The following CTNS variants were observed in gnomAD, a reference collection of about 807,000 sequenced individuals.
CTNS encodes cystinosin.
Under a neutral mutation model 43.7 loss-of-function variants are expected in CTNS, and 27 were observed. The observed-to-expected ratio is 0.62, with a 90% CI of 0.46 to 0.85. CTNS has a LOEUF of 0.85. Among genes scored for constraint, CTNS ranks in the 40% least tolerant of loss-of-function variants. CTNS has a pLI of 0.00. For missense variants in CTNS, 457 were observed against 475.4 expected, an observed-to-expected ratio of 0.96 and a Z score of 0.36; for synonymous variants, 187 against 190.6, an observed-to-expected ratio of 0.98 and a Z score of 0.16.
rs772569260 is a variant in CTNS at position 3,647,475 on chromosome 17, C to T, written c.93C>T (p.Val31=). The change falls in exon 4 of 12, where the codon GTC becomes GTT. Residue 31 remains valine, a synonymous_variant. Transcript: ENST00000046640. ...ESSVSLTVPP[V]VKLENGSSTN... is the part of the protein sequence containing the mutation. ...GCGTCAGCCTCACTGTTCCTCCTGT[C>T]GTAAAGCTGGAGAACGGCAGCTCGA... The T allele has an allele frequency of 3.1e-6, 5 of 1,614,146 alleles. No individual in the cohort carries two copies. Among genetic ancestry groups the T allele is most frequent in the South Asian group, 2.2e-5 (2 of 91,084 alleles).
rs781672689 is a variant in CTNS at position 3,662,846 on chromosome 17, C to G, written c.*2477C>G. The G allele has an allele frequency of 3.9e-5, 6 of 152,124 alleles. No individual in the cohort carries two copies. The highest frequency in any genetic ancestry group is 7.4e-5 in the Non-Finnish European group (5 of 68,024). The allele number at this position is 152,124 out of a possible 1,614,324, so 9.4% of individuals were successfully genotyped here. On this transcript the variant is annotated 3_prime_UTR_variant, in exon 12 of 12. Transcript: ENST00000046640. Reference sequence around the variant, plus strand: ...CACAGCTCTGGCCCCAATATCCCACCGCCACCCCCACCCCGATATCCCAGC... The same window carrying G: ...CACAGCTCTGGCCCCAATATCCCACGGCCACCCCCACCCCGATATCCCAGC...
intron 3 of CTNS, among the ~76,000 whole-genome samples, chr17:3,645,602 G>A (rs2075823777): frequency 6.6e-6 from 1 of 152,164 alleles, no homozygotes; most frequent in African/African-American, 2.4e-5. Flanking sequence ...GCTCACACCT[G>A]TAGTCCCAGC....
In CTNS at chr17:3,656,692, A is replaced by C; in HGVS notation, c.578A>C (p.Lys193Thr). ...ACCAAACAGGAGCAGTTTCTCCTCA[A>C]ATACCCCAACGGAGTGAACCCCGTG... is the stretch of plus-strand genomic sequence containing the variant. ...VPYIKEQFLL[K>T]YPNGVNPVNS... Residue 193 changes from lysine (K) to threonine (T), a missense_variant, in exon 9 of 12, where the codon AAA becomes ACA. Transcript: ENST00000046640. The C allele has an allele frequency of 6.2e-7, 1 of 1,612,892 alleles. No homozygotes were observed. Among genetic ancestry groups the C allele is most frequent in the Non-Finnish European group, 8.5e-7 (1 of 1,179,796 alleles).
rs1417434522 is a variant in CTNS, at chr17:3,663,048, C to G, written c.*2679C>G. ...GTAGAATGGGCATCTCCAAAGAGTA[C>G]GATAAAAACATTTTGTATCAAACTT... On this transcript the variant is annotated 3_prime_UTR_variant, in exon 12 of 12. Transcript: ENST00000046640. 1 of 152,124 alleles carries G rather than the reference C, an allele frequency of 6.6e-6. No individual in the cohort carries two copies. Among genetic ancestry groups the G allele is most frequent in the African/African-American group, 2.4e-5 (1 of 41,428 alleles). 9.4% of individuals were successfully genotyped at this position (152,124 alleles called of 1,614,324 possible).
chr17:3,660,245 C>A lies in CTNS; in HGVS notation c.980C>A (p.Thr327Lys). The stretch of plus-strand genomic sequence containing the variant: ...CCCCGGCTGCTAACAGACCAGTGGA[C>A]GCTGATCTTCGGAGACCCAACCAAG... ...FLQSYNNDQW[T>K]LIFGDPTKFG... Residue 327 changes from threonine to lysine, a missense_variant, in exon 12 of 12, where the codon ACG (threonine) becomes AAG (lysine). Thr to Lys is a moderately conservative substitution (Grantham distance 78, BLOSUM62 -1). Transcript: ENST00000046640. 2 of 1,614,262 alleles carry A rather than the reference C, an allele frequency of 1.2e-6. No homozygotes were observed. The highest frequency in any genetic ancestry group is 1.7e-6 in the Non-Finnish European group (2 of 1,180,054).
chr17:3,660,860 C>A lies in CTNS; in HGVS notation c.*491C>A, dbSNP rs1277848059. On this transcript the variant is annotated 3_prime_UTR_variant, in exon 12 of 12. Transcript: ENST00000046640. ...GACGGGCTAGGACTTTGGGGTTAGG[C>A]CATGGGGCTCTTTCTCTGAAGGCCA... 2.1e-6 allele frequency: 3 copies of A among 1,429,676 alleles called. No individual in the cohort carries two copies. The African/African-American group carries it at 4.2e-5, about 20-fold the overall frequency. The allele number at this position is 1,429,676 out of a possible 1,614,324, so 88.6% of individuals were successfully genotyped here.
rs149007536 is a variant in CTNS, at chr17:3,660,300, C to G, written c.1035C>G (p.Phe345Leu). Residue 345 changes from phenylalanine (F) to leucine (L), a missense_variant, in exon 12 of 12, where the codon TTC becomes TTG. Physicochemically the swap from Phe to Leu is conservative, Grantham distance 22. Coordinates refer to ENST00000046640, the MANE Select transcript of CTNS (RefSeq NM_004937.3). ...KFGLGVFSIV[F>L]DVVFFIQHFC... ...GACTCGGGGTCTTCTCCATCGTCTT[C>G]GACGTCGTCTTCTTCATCCAGCACT... is the stretch of plus-strand genomic sequence containing the variant. The G allele has an allele frequency of 5.0e-6, 8 of 1,614,236 alleles. No homozygotes were observed. Among genetic ancestry groups the G allele is most frequent in the Non-Finnish European group, 3.4e-6 (4 of 1,180,042 alleles).
At chr17:3,646,887 G>A (rs563278686) in intron 3 of CTNS, among the ~76,000 whole-genome samples, 49 of 152,260 alleles carry the variant, frequency 3.2e-4, no homozygotes, top group African/African-American at 7.0e-4. Flanking sequence ...CCAGTACCCC[G>A]CAGATAGTCA....
rs547703287 is a variant in CTNS, at chr17:3,658,098, G to C, written c.775G>C (p.Val259Leu). ...FVTMIVAAVG[V>L]TTWLQFLFCF... ...CACCATGATCGTGGCTGCAGTGGGA[G>C]TGACCACGTGGCTGCAGTTTCTCTT... The change falls in exon 10 of 12, where the codon GTG (valine) becomes CTG (leucine). Residue 259 changes from valine (V) to leucine (L), a missense_variant. Physicochemically the swap from Val to Leu is conservative, Grantham distance 32. Coordinates refer to ENST00000046640, the MANE Select transcript of CTNS (RefSeq NM_004937.3). 10 of 1,612,316 alleles carry C rather than the reference G, an allele frequency of 6.2e-6. No individual in the cohort carries two copies. The African/African-American group carries it at 1.3e-4, about 21-fold the overall frequency.
At chr17:3,657,126 G>C (rs1368508932) in intron 9 of CTNS, among the ~76,000 whole-genome samples, 1 of 151,948 alleles carries the variant, frequency 6.6e-6, no homozygotes, top group Non-Finnish European at 1.5e-5. Flanking sequence ...GGGCACAGAA[G>C]GGAGGAGGGC....
At chr17:3,650,359 G>A in intron 5 of CTNS, 1 of 1,543,694 alleles carries the variant, frequency 6.5e-7, no homozygotes, top group Non-Finnish European at 8.7e-7. Context: ...ATGTGCACCT[G>A]TAATCCCAGC....
At chr17:3,655,562 C>A in intron 7 of CTNS, 2 of 636,880 alleles carry the variant, frequency 3.1e-6, no homozygotes, top group Non-Finnish European at 2.7e-6. Context: ...CAGCCCCTCC[C>A]TGGGAAAGCA....
intron 5 of CTNS, chr17:3,650,475 C>T (rs2075953566): frequency 2.2e-6 from 2 of 908,516 alleles, no homozygotes; most frequent in East Asian, 5.4e-5. Flanking sequence ...GAGCAAGACT[C>T]TGTCTCTAAA....
rs563849197 is a variant in CTNS at position 3,662,268 on chromosome 17, G to A, written c.*1899G>A. Among the ~76,000 whole-genome samples the A allele has an allele frequency of 6.8e-4, 103 of 151,488 alleles. No individual in the cohort carries two copies. The highest frequency in any genetic ancestry group is 2.2e-3 in the African/African-American group (91 of 41,216). ...GGAGGTTGCAGTGAGCGAAGATCAC[G>A]CCATTGCACTCCAGCCTGGGCAACA... is the stretch of plus-strand genomic sequence containing the variant. On this transcript the variant is annotated 3_prime_UTR_variant, in exon 12 of 12. Transcript: ENST00000046640.
At chr17:3,640,148 A>G (rs2075649652) in intron 2 of CTNS, 40 bp from the exon 3 acceptor site, 7 of 1,534,648 alleles carry the variant, frequency 4.6e-6, no homozygotes, top group African/African-American at 2.7e-5. Flanking sequence ...AGCTGATTCA[A>G]CATTCCCCTG....
chr17:3,656,871 C>T (rs369084366), intron 9 of CTNS, 76 bp downstream of exon 9: 110 of 1,601,846 alleles, frequency 6.9e-5, no homozygotes, highest in East Asian at 3.6e-4. Flanking sequence ...ACAGAAGACA[C>T]GGCAGAGCCT....
intron 7 of CTNS, 164 bp downstream of exon 7, chr17:3,655,516 G>C: frequency 9.7e-7 from 1 of 1,035,814 alleles, no homozygotes; most frequent in South Asian, 1.3e-5. Flanking sequence ...GCCTGGGTCG[G>C]ATTCCCGTGC....
intron 10 of CTNS, among the ~76,000 whole-genome samples, chr17:3,658,951 G>C (rs1187119003): frequency 2.7e-5 from 4 of 150,872 alleles, no homozygotes; most frequent in Non-Finnish European, 4.4e-5. Context: ...TGGGAAGCTG[G>C]GGTCAGGTCC....
Position 3,660,815 on chromosome 17 carries a change from T to G in CTNS, c.*446T>G. On this transcript the variant is annotated 3_prime_UTR_variant, in exon 12 of 12. Transcript: ENST00000046640. ...TCAAGCAGCCCGGTGCCGTGGCCAG[T>G]GAACTCAGAGGTGCTGGTGGACGGG... 3 of 1,596,808 alleles carry G rather than the reference T, an allele frequency of 1.9e-6. No homozygotes were observed. The highest frequency in any genetic ancestry group is 2.6e-6 in the Non-Finnish European group (3 of 1,172,620).
Sources: gnomAD v4.1 joint callset for allele counts (sites outside exome capture counted in the v4.1 genomes callset) on GRCh38, gnomAD v4.1.1 for gene constraint, MANE v1.5 for transcripts, NCBI Gene and HGNC (gene_info 2026-07-23, HGNC 2026-07-21) for gene names.